The following FAR2 variants were observed in gnomAD, a reference collection of about 807,000 sequenced individuals.
The protein encoded by FAR2 is epididymis secretory protein Li 81.
FAR2 carries 19 observed loss-of-function variants against 56.0 expected under a neutral mutation model. The observed-to-expected ratio is 0.34, with a 90% CI of 0.24 to 0.50. The LOEUF is 0.50. FAR2 is among the 20% of genes least tolerant of loss of function. The pLI is 0.98. For missense variants in FAR2, 508 were observed against 642.2 expected, an observed-to-expected ratio of 0.79 and a Z score of 2.26; for synonymous variants, 219 against 218.8, an observed-to-expected ratio of 1.00 and a Z score of -0.01.
chr12:29,258,142 G>A (rs1219243750), intron 1 of FAR2, among the ~76,000 whole-genome samples: 1 of 150,796 alleles, frequency 6.6e-6, no homozygotes, highest in African/African-American at 2.4e-5. Flanking sequence ...TCAGGAATTC[G>A]AGACTAGCCT....
At chr12:29,273,681 C>A (rs1200119008) in intron 2 of FAR2, among the ~76,000 whole-genome samples, 1 of 152,246 alleles carries the variant, frequency 6.6e-6, no homozygotes, top group Non-Finnish European at 1.5e-5. Context: ...CTCGTCGCCC[C>A]TCTGCCCCCA....
intron 2 of FAR2, among the ~76,000 whole-genome samples, chr12:29,283,530 C>T (rs1202169236): frequency 1.3e-5 from 2 of 152,164 alleles, no homozygotes. Flanking sequence ...CATGAATTTA[C>T]AAAATTATGT....
rs575617424 is a variant in FAR2 at position 29,210,936 on chromosome 12, G to A, written c.-38-59476G>A. On this transcript the variant is annotated intron_variant, in intron 1 of 11. Transcript: ENST00000536681. Reference sequence around the variant, plus strand: ...ACTGGGTGTGACAGAGTGAGACTCCGTCTTAAAAACAAAAAAAAAACTATA... The same window carrying A: ...ACTGGGTGTGACAGAGTGAGACTCCATCTTAAAAACAAAAAAAAAACTATA... 1.8e-4 allele frequency among the ~76,000 whole-genome samples: 8 copies of A among 43,854 alleles called. No individual in the cohort carries two copies. The South Asian group carries it at 5.4e-3, about 30-fold the overall frequency. 28.8% of individuals were successfully genotyped at this position (43,854 alleles called of 152,430 possible).
At chr12:29,243,846 G>GT (rs1247661335) in intron 1 of FAR2, among the ~76,000 whole-genome samples, 1 of 151,588 alleles carries the variant, frequency 6.6e-6, no homozygotes, top group Non-Finnish European at 1.5e-5. Flanking sequence ...ATATCAATGA[G>GT]TTTAAAGGCA....
chr12:29,296,737 C>G (rs1161426124), intron 3 of FAR2, among the ~76,000 whole-genome samples: 1 of 152,144 alleles, frequency 6.6e-6, no homozygotes, highest in African/African-American at 2.4e-5. Flanking sequence ...TTTATAAATT[C>G]AGAGTATTGT....
At chr12:29,302,477 C>T (rs1045024255) in intron 4 of FAR2, among the ~76,000 whole-genome samples, 1 of 152,086 alleles carries the variant, frequency 6.6e-6, no homozygotes, top group East Asian at 1.9e-4. Context: ...CTGGGAAACC[C>T]AGGCGTGTTT....
At chr12:29,282,814 C>T (rs1948808786) in intron 2 of FAR2, among the ~76,000 whole-genome samples, 1 of 152,116 alleles carries the variant, frequency 6.6e-6, no homozygotes, top group Non-Finnish European at 1.5e-5. Context: ...ATGGGAGATG[C>T]TCTAGACAAA....
At chr12:29,258,054 A>G (rs1425221620) in intron 1 of FAR2, among the ~76,000 whole-genome samples, 1 of 152,114 alleles carries the variant, frequency 6.6e-6, no homozygotes, top group African/African-American at 2.4e-5. Context: ...ACCGATAAAA[A>G]TCACAGGGGC....
intron 1 of FAR2, among the ~76,000 whole-genome samples, chr12:29,180,689 A>G (rs746427226): frequency 3.9e-5 from 6 of 152,062 alleles, no homozygotes; most frequent in Non-Finnish European, 8.8e-5. Flanking sequence ...AATTGTATGT[A>G]TTTTCCTAAG....
chr12:29,191,732 A>T (rs896613974), intron 1 of FAR2, among the ~76,000 whole-genome samples: 5 of 152,234 alleles, frequency 3.3e-5, no homozygotes, highest in African/African-American at 7.2e-5. Context: ...ATGTTCAGCC[A>T]TAACATTGCA....
intron 3 of FAR2, among the ~76,000 whole-genome samples, chr12:29,295,998 G>A (rs1949064887): frequency 6.6e-6 from 1 of 151,532 alleles, no homozygotes; most frequent in Non-Finnish European, 1.5e-5. Context: ...TCGATCTCCT[G>A]ACCTCATGAT....
intron 1 of FAR2, among the ~76,000 whole-genome samples, chr12:29,210,959 A>G (rs1416179953): frequency 3.4e-5 from 5 of 148,674 alleles, no homozygotes; most frequent in East Asian, 4.0e-4. Context: ...AAAAAAAACT[A>G]TATCATTCTT....
intron 1 of FAR2, among the ~76,000 whole-genome samples, chr12:29,238,467 T>C (rs1271656819): frequency 6.6e-6 from 1 of 152,100 alleles, no homozygotes; most frequent in Non-Finnish European, 1.5e-5. Context: ...TAAATAAATA[T>C]TTTAAAAATA....
At chr12:29,225,486 A>G (rs904317989) in intron 1 of FAR2, among the ~76,000 whole-genome samples, 1 of 152,180 alleles carries the variant, frequency 6.6e-6, no homozygotes. Context: ...ATCAAAGCTT[A>G]CAGTTACAAG....
chr12:29,159,646 G>A (rs1949763575), intron 1 of FAR2, among the ~76,000 whole-genome samples: 1 of 152,166 alleles, frequency 6.6e-6, no homozygotes, highest in Non-Finnish European at 1.5e-5. Context: ...CGCAAGGCTT[G>A]GGGGTTATTA....
chr12:29,274,054 T>C (rs1407152687), intron 2 of FAR2, among the ~76,000 whole-genome samples: 3 of 113,828 alleles, frequency 2.6e-5, no homozygotes, highest in Non-Finnish European at 4.0e-5. Context: ...TTTCTTTTTC[T>C]TTTTTTTAAT....
At chr12:29,330,309 G>A (rs1301116432) in intron 10 of FAR2, among the ~76,000 whole-genome samples, 1 of 151,928 alleles carries the variant, frequency 6.6e-6, no homozygotes, top group African/African-American at 2.4e-5. Flanking sequence ...TGCCCGCCTC[G>A]ACCTCCCAAA....
rs1565680651 is a variant in FAR2 at position 29,172,079 on chromosome 12, AGCCACCAACTGTCTGGGAAGTGAGGAGCG to A, written c.-39+22673_-39+22701del. ...TGGGAAGTGAGGAGCGCCTCTGCCC[AGCCACCAACTGTCTGGGAAGTGAGGAGCG>A]CCTCTGCCTGGCCACCAACCATCTG... On this transcript the variant is annotated intron_variant, in intron 1 of 11. Coordinates refer to ENST00000536681, the MANE Select transcript of FAR2 (RefSeq NM_001271783.2). The A allele has an allele frequency of 2.7e-5, 4 of 147,962 alleles. No homozygotes were observed. In the East Asian group the frequency reaches 6.0e-4, roughly 22 times the overall value. 9.2% of individuals were successfully genotyped at this position (147,962 alleles called of 1,614,324 possible).
intron 1 of FAR2, among the ~76,000 whole-genome samples, chr12:29,253,379 A>ATCTATC (rs1948264948): frequency 1.4e-5 from 2 of 145,140 alleles, no homozygotes; most frequent in African/African-American, 5.2e-5. Flanking sequence ...ATCTATCTAG[A>ATCTATC]TAGATAGATA....
Sources: allele counts gnomAD v4.1 joint callset (sites outside exome capture counted in the v4.1 genomes callset), GRCh38; gene constraint gnomAD v4.1.1; transcripts MANE v1.5; gene names NCBI Gene and HGNC (gene_info 2026-07-23, HGNC 2026-07-21).